SEMA3D: variants seen among roughly 807,000 people sequenced by gnomAD.
SEMA3D encodes semaphorin-3D.
In SEMA3D, 84 loss-of-function variants were observed where a neutral mutation model predicts 100.1. The ratio of observed to expected loss-of-function variants is 0.84; its 90% CI spans 0.70 to 1.01. The LOEUF (loss-of-function observed/expected upper bound fraction) is 1.01. SEMA3D is among the 50% of genes least tolerant of loss of function. The pLI, the probability that SEMA3D is intolerant of heterozygous loss-of-function variation, is 0.00. For missense variants in SEMA3D, 875 were observed against 934.1 expected (o/e 0.94, Z 0.82); for synonymous variants, 312 against 320.7 (o/e 0.97, Z 0.29).
intron 4 of SEMA3D, among the ~76,000 whole-genome samples, chr7:85,090,026 T>C (rs1307224445): frequency 6.6e-6 from 1 of 152,190 alleles, no homozygotes; most frequent in Non-Finnish European, 1.5e-5. Context: ...GTGGTCCAAT[T>C]ACTCTTGCGG....
chr7:85,205,218 C>T, the SEMA3D span, among the ~76,000 whole-genome samples: 1 of 152,030 alleles, frequency 6.6e-6, no homozygotes, highest in East Asian at 1.9e-4. Context: ...GATATTACCT[C>T]CCACTCCATG....
chr7:85,191,736 C>T (rs142275201), upstream of SEMA3D, among the ~76,000 whole-genome samples: 308 of 152,246 alleles, frequency 2.0e-3, 1 homozygote, highest in African/African-American at 7.3e-3. Context: ...TCCAACACTT[C>T]TGCTTTGTTC....
chr7:85,095,336 A>G (rs1375066155), intron 4 of SEMA3D, among the ~76,000 whole-genome samples: 1 of 151,882 alleles, frequency 6.6e-6, no homozygotes, highest in Non-Finnish European at 1.5e-5. Flanking sequence ...TTTGTACAAA[A>G]CCTCCAAGTT....
intron 8 of SEMA3D, among the ~76,000 whole-genome samples, chr7:85,064,371 C>T (rs1791556104): frequency 6.6e-6 from 1 of 152,178 alleles, no homozygotes; most frequent in African/African-American, 2.4e-5. Context: ...AATGGGTAAT[C>T]ACGTAGTCAT....
At chr7:85,079,085 TC>T (rs34254930) in intron 5 of SEMA3D, among the ~76,000 whole-genome samples, 4 of 152,166 alleles carry the variant, frequency 2.6e-5, no homozygotes, top group African/African-American at 9.7e-5. Flanking sequence ...TTGGATTCAA[TC>T]CCCGGCTTTA....
In SEMA3D at chr7:85,020,319, T is replaced by C. The variant is rs773073889; in HGVS notation, c.1417A>G (p.Ile473Val). The C allele has an allele frequency of 6.2e-7, 1 of 1,607,834 alleles. No individual in the cohort carries two copies. The change falls in exon 14 of 19, where the codon ATT (isoleucine) becomes GTT (valine). Residue 473 changes from isoleucine (I) to valine (V), a missense_variant and splice_region_variant. Coordinates refer to ENST00000284136, the MANE Select transcript of SEMA3D (RefSeq NM_001384900.1). The part of the protein sequence containing the change: ...QYDVMFLGTD[I>V]GTVLKVVSIS... ...CTGACAACTTTGAGGACAGTTCCAATGTCTGAAAAAATGCATAACCCATGA... is the reference window on the plus strand; with the variant it reads ...CTGACAACTTTGAGGACAGTTCCAACGTCTGAAAAAATGCATAACCCATGA...
chr7:85,155,501 T>G (rs1583974547), intron 1 of SEMA3D, among the ~76,000 whole-genome samples: 1 of 152,248 alleles, frequency 6.6e-6, no homozygotes, highest in Admixed American at 6.5e-5. Flanking sequence ...ATACTGAAAC[T>G]TAATGTATTT....
chr7:85,152,105 T>G (rs1222989112), intron 2 of SEMA3D, among the ~76,000 whole-genome samples: 1 of 152,096 alleles, frequency 6.6e-6, no homozygotes, highest in African/African-American at 2.4e-5. Flanking sequence ...GTTTTTATGT[T>G]TTATTTTATA....
At chr7:85,229,403 A>G in the SEMA3D span, among the ~76,000 whole-genome samples, 19 of 152,134 alleles carry the variant, frequency 1.2e-4, no homozygotes, top group African/African-American at 4.3e-4. Flanking sequence ...GTTCAATAAA[A>G]TTATTTTAAA....
chr7:85,066,367 G>A (rs1791620545), intron 7 of SEMA3D, among the ~76,000 whole-genome samples: 1 of 151,882 alleles, frequency 6.6e-6, no homozygotes, highest in Non-Finnish European at 1.5e-5. Context: ...GAGGAGGCAG[G>A]AGAAGGGGAG....
chr7:85,243,815 T>G, the SEMA3D span, among the ~76,000 whole-genome samples: 1 of 152,254 alleles, frequency 6.6e-6, no homozygotes, highest in Non-Finnish European at 1.5e-5. Context: ...GAATTTATTT[T>G]AACATTTTCC....
chr7:85,027,722 C>T, intron 12 of SEMA3D: 3 of 306,786 alleles, frequency 9.8e-6, no homozygotes, highest in South Asian at 3.2e-5. Context: ...GTTTGTTTTC[C>T]CAACATAAAA....
chr7:85,143,110 T>C (rs1790103625), intron 2 of SEMA3D: 3 of 960,920 alleles, frequency 3.1e-6, no homozygotes, highest in East Asian at 1.2e-4. Flanking sequence ...TGAGTACCTA[T>C]CACATAGCTA....
chr7:85,110,301 C>T (rs887310743), intron 3 of SEMA3D, among the ~76,000 whole-genome samples: 2 of 151,882 alleles, frequency 1.3e-5, no homozygotes, highest in African/African-American at 4.8e-5. Context: ...GGGTTGCATA[C>T]AGGTAAGTTG....
intron 10 of SEMA3D, 120 bp from the exon 11 acceptor site, chr7:85,040,862 T>G (rs1790841230): frequency 3.4e-6 from 2 of 580,724 alleles, no homozygotes; most frequent in South Asian, 4.5e-5. Flanking sequence ...AGAGGCACTA[T>G]ATTATGCCTT....
chr7:85,081,268 C>CA (rs1788050397), intron 5 of SEMA3D, among the ~76,000 whole-genome samples: 1 of 151,834 alleles, frequency 6.6e-6, no homozygotes, highest in Non-Finnish European at 1.5e-5. Context: ...TTTTTTGTGA[C>CA]AAAAATAATA....
intron 3 of SEMA3D, among the ~76,000 whole-genome samples, chr7:85,108,219 G>T (rs1788989164): frequency 6.6e-6 from 1 of 151,982 alleles, no homozygotes; most frequent in Non-Finnish European, 1.5e-5. Context: ...AATCATTTCT[G>T]TATTTCAACA....
intron 1 of SEMA3D, among the ~76,000 whole-genome samples, chr7:85,161,359 CAAT>C (rs35205290): frequency 0.11 from 16,318 of 151,830 alleles, 1,227 homozygotes; most frequent in East Asian, 0.35. Flanking sequence ...ACATAATTAG[CAAT>C]AGGGGTAAAT....
intron 9 of SEMA3D, 66 bp downstream of exon 9, chr7:85,055,651 T>C (rs1197776361): frequency 7.6e-4 from 30 of 39,296 alleles, no homozygotes; most frequent in African/African-American, 1.3e-3. Context: ...TATACATATA[T>C]ATATATATAT....
Sources: allele counts gnomAD v4.1 joint callset (sites outside exome capture counted in the v4.1 genomes callset), GRCh38; gene constraint gnomAD v4.1.1; transcripts MANE v1.5; gene names NCBI Gene and HGNC (gene_info 2026-07-23, HGNC 2026-07-21).